Variants in TAB2 observed in about 807,000 individuals in gnomAD.
The protein encoded by TAB2 is TGF-beta activated kinase 1 (MAP3K7) binding protein 2.
In TAB2, 3 loss-of-function variants were observed where a neutral mutation model predicts 65.0. The observed-to-expected ratio is 0.05, with a 90% CI of 0.02 to 0.12. The LOEUF (loss-of-function observed/expected upper bound fraction) is 0.12. TAB2 is among the 10% of genes least tolerant of loss of function. The probability of loss-of-function intolerance (pLI) is 1.00; values close to 1 mark genes in which losing one functional copy is unlikely to be tolerated. For synonymous variants in TAB2, 298 were observed against 285.1 expected, an observed-to-expected ratio of 1.05 and a Z score of -0.46; for missense variants, 623 against 840.3, an observed-to-expected ratio of 0.74 and a Z score of 3.20.
chr6:149,258,564 T>G (rs944536770), intron 1 of TAB2, among the ~76,000 whole-genome samples: 2 of 152,260 alleles, frequency 1.3e-5, no homozygotes, highest in Non-Finnish European at 2.9e-5. Context: ...TTGCTGATCA[T>G]GCATTTGCTC....
intron 1 of TAB2, among the ~76,000 whole-genome samples, chr6:149,302,533 C>G (rs1040354864): frequency 6.6e-6 from 1 of 152,194 alleles, no homozygotes; most frequent in Non-Finnish European, 1.5e-5. Flanking sequence ...TGCATTCATG[C>G]CAAGGCCACA....
intron 1 of TAB2, among the ~76,000 whole-genome samples, chr6:149,353,709 A>G (rs548009432): frequency 6.6e-6 from 1 of 152,376 alleles, no homozygotes; most frequent in South Asian, 2.1e-4. Context: ...AGCTTTCTAG[A>G]GAAAAATTAG....
rs560980152 is a variant in TAB2 at position 149,325,991 on chromosome 6, G to T, written c.-90+7976G>T. 5.9e-5 allele frequency among the ~76,000 whole-genome samples: 9 copies of T among 152,182 alleles called. No individual in the cohort carries two copies. In the South Asian group the frequency reaches 1.9e-3, roughly 32 times the overall value. On this transcript the variant is annotated intron_variant, in intron 1 of 6. Transcript: ENST00000637181. ...TAGGTTCAAGGAATCATCTTGCCTT[G>T]GCCTCCCACCTAAGTGTTGGGATTA...
intron 3 of TAB2, among the ~76,000 whole-genome samples, chr6:149,385,799 A>G (rs1035765291): frequency 6.6e-6 from 1 of 152,220 alleles, no homozygotes; most frequent in Non-Finnish European, 1.5e-5. Flanking sequence ...GGAGAGCTCT[A>G]CCTACTAGCT....
intron 1 of TAB2, among the ~76,000 whole-genome samples, chr6:149,282,021 G>A (rs779386568): frequency 7.9e-5 from 12 of 152,130 alleles, no homozygotes; most frequent in African/African-American, 1.2e-4. Flanking sequence ...CAGCTGGATC[G>A]CAGGCATGAT....
At chr6:149,393,750 A>T (rs1583155046) in intron 3 of TAB2, among the ~76,000 whole-genome samples, 1 of 152,330 alleles carries the variant, frequency 6.6e-6, no homozygotes, top group East Asian at 1.9e-4. Context: ...GATTATTTTT[A>T]TGATTTTCCA....
chr6:149,232,481 C>T (rs1777424465), intron 1 of TAB2, among the ~76,000 whole-genome samples: 1 of 152,198 alleles, frequency 6.6e-6, no homozygotes, highest in Non-Finnish European at 1.5e-5. Context: ...CCTGCCTCGG[C>T]CTCTCCAAGT....
At chr6:149,270,716 A>G (rs1304673266) in intron 1 of TAB2, among the ~76,000 whole-genome samples, 2 of 152,240 alleles carry the variant, frequency 1.3e-5, no homozygotes, top group Non-Finnish European at 2.9e-5. Flanking sequence ...TTTTCATCAC[A>G]GATGCACATG....
At position 149,353,908 on chromosome 6, in the gene TAB2, A is replaced by G. The variant is rs149625328; in HGVS notation, c.-89-16001A>G. Among the ~76,000 whole-genome samples, 762 of 152,298 alleles carry G rather than the reference A, an allele frequency of 5.0e-3. 8 individuals are homozygous for G. The highest frequency in any genetic ancestry group is 0.018 in the African/African-American group (737 of 41,550). Reference sequence around the variant, plus strand: ...TGTATTTGTGTGTGTATACATATGTAAAGAGACATACATACACGTATATGT... The same window carrying G: ...TGTATTTGTGTGTGTATACATATGTGAAGAGACATACATACACGTATATGT... On this transcript the variant is annotated intron_variant, in intron 1 of 6. Coordinates refer to ENST00000637181, the MANE Select transcript of TAB2 (RefSeq NM_001292034.3).
Position 149,378,106 on chromosome 6 carries a change from A to T in TAB2, c.191A>T (p.Asp64Val). The change falls in exon 3 of 7, where the codon GAT becomes GTT. Residue 64 changes from aspartate (D) to valine (V), a missense_variant. This residue lies in a region of TAB2 where 550 missense variants were observed against 665.7 expected (regional missense o/e 0.83). Transcript: ENST00000637181. ...LYGEGDLNFS[D>V]DSGISGLRNH... is the part of the protein sequence containing the mutation. Reference sequence around the variant, plus strand: ...GGTGAAGGAGACTTGAATTTTTCAGATGATTCTGGAATTTCTGGTCTACGC... The same window carrying T: ...GGTGAAGGAGACTTGAATTTTTCAGTTGATTCTGGAATTTCTGGTCTACGC... 1 of 1,614,182 alleles carries T rather than the reference A, an allele frequency of 6.2e-7. No homozygotes were observed. The highest frequency in any genetic ancestry group is 8.5e-7 in the Non-Finnish European group (1 of 1,180,030).
chr6:149,330,952 G>A (rs1583095341), intron 1 of TAB2, among the ~76,000 whole-genome samples: 4 of 152,178 alleles, frequency 2.6e-5, no homozygotes, highest in Admixed American at 2.6e-4. Flanking sequence ...ATCTATTTCT[G>A]GATTCTCTGT....
intron 1 of TAB2, among the ~76,000 whole-genome samples, chr6:149,306,755 A>C (rs1384680301): frequency 1.3e-5 from 2 of 152,084 alleles, no homozygotes. Flanking sequence ...TCGTCTCAAA[A>C]AAGAAAACTT....
At chr6:149,307,201 A>G (rs1779087852) in intron 1 of TAB2, among the ~76,000 whole-genome samples, 1 of 151,594 alleles carries the variant, frequency 6.6e-6, no homozygotes, top group Non-Finnish European at 1.5e-5. Flanking sequence ...GACTGGGTTG[A>G]ATTGGGAAAT....
chr6:149,282,730 T>C (rs1446567116), intron 1 of TAB2, among the ~76,000 whole-genome samples: 3 of 152,228 alleles, frequency 2.0e-5, no homozygotes, highest in Non-Finnish European at 2.9e-5. Context: ...AGAACAAATA[T>C]GAATTCAACA....
At chr6:149,324,793 A>G (rs1416279256) in intron 1 of TAB2, among the ~76,000 whole-genome samples, 1 of 151,212 alleles carries the variant, frequency 6.6e-6, no homozygotes, top group South Asian at 2.1e-4. Flanking sequence ...GGTAGAAGAG[A>G]CTTTACCTGG....
intron 1 of TAB2, among the ~76,000 whole-genome samples, chr6:149,355,560 A>T (rs1780627714): frequency 6.6e-6 from 1 of 151,636 alleles, no homozygotes; most frequent in African/African-American, 2.4e-5. Context: ...CCAGCTTCAC[A>T]GGAGGCTCAG....
In TAB2 at chr6:149,331,441, TAGG is replaced by T. The variant is rs146815919; in HGVS notation, c.-90+13430_-90+13432del. Among the ~76,000 whole-genome samples, 69 of 152,304 alleles carry T rather than the reference TAGG, an allele frequency of 4.5e-4. 1 individual carries two copies. The East Asian group carries it at 0.012, about 26-fold the overall frequency. On this transcript the variant is annotated intron_variant, in intron 1 of 6. Transcript: ENST00000637181. Reference sequence around the variant, plus strand: ...TGAGACTTTGCTAAATTATCAGTTTTAGGAGGTTTATTTTGTAGATTCATTGGG... The same window carrying T: ...TGAGACTTTGCTAAATTATCAGTTTTAGGTTTATTTTGTAGATTCATTGGG...
intron 1 of TAB2, among the ~76,000 whole-genome samples, chr6:149,261,961 G>A (rs1043619228): frequency 1.3e-5 from 2 of 152,170 alleles, no homozygotes; most frequent in Admixed American, 1.3e-4. Context: ...TAAGCAGCTG[G>A]GACTTTGATT....
At chr6:149,385,322 C>T (rs760856081) in intron 3 of TAB2, among the ~76,000 whole-genome samples, 19 of 152,280 alleles carry the variant, frequency 1.2e-4, no homozygotes, top group Non-Finnish European at 2.4e-4. Flanking sequence ...TGTATCTTTT[C>T]ATTGGAAATA....
Sources: allele counts gnomAD v4.1 joint callset (sites outside exome capture counted in the v4.1 genomes callset), GRCh38; gene constraint gnomAD v4.1.1; regional missense constraint gnomAD v4.1.1; transcripts MANE v1.5; gene names NCBI Gene and HGNC (gene_info 2026-07-23, HGNC 2026-07-21).